LINGO2: variants seen among roughly 807,000 people sequenced by gnomAD.
The protein encoded by LINGO2 is leucine-rich repeat and immunoglobulin-like domain-containing nogo receptor-interacting protein 2.
In LINGO2, 14 loss-of-function variants were observed where a neutral mutation model predicts 30.6. That is an observed-to-expected ratio of 0.46 (90% CI 0.30 to 0.72). The LOEUF (loss-of-function observed/expected upper bound fraction) is 0.72, where lower values mean the gene tolerates loss of function less well. LINGO2 is among the 30% of genes least tolerant of loss of function. The probability of loss-of-function intolerance (pLI) is 0.07; values close to 1 mark genes in which losing one functional copy is unlikely to be tolerated. For missense variants in LINGO2, 729 were observed against 751.7 expected (o/e 0.97, Z 0.35); for synonymous variants, 317 against 288.5 (o/e 1.10, Z -1.00).
chr9:28,690,367 T>A, the LINGO2 span, among the ~76,000 whole-genome samples: 1 of 152,112 alleles, frequency 6.6e-6, no homozygotes, highest in African/African-American at 2.4e-5. Flanking sequence ...ATAAAAATTG[T>A]GAGATAAAAA....
the LINGO2 span, among the ~76,000 whole-genome samples, chr9:28,724,836 A>G: frequency 2.6e-5 from 4 of 152,142 alleles, no homozygotes; most frequent in Admixed American, 6.6e-5. Flanking sequence ...TAACCTTTGA[A>G]GAGTCACAAA....
At chr9:28,152,365 C>G (rs932355646) in intron 4 of LINGO2, among the ~76,000 whole-genome samples, 4 of 152,110 alleles carry the variant, frequency 2.6e-5, no homozygotes, top group Non-Finnish European at 5.9e-5. Flanking sequence ...GGCTCCTCTT[C>G]CGTTTCTGCC....
intron 4 of LINGO2, among the ~76,000 whole-genome samples, chr9:28,110,846 G>C (rs1002562639): frequency 6.6e-6 from 1 of 152,134 alleles, no homozygotes; most frequent in Admixed American, 6.5e-5. Context: ...CAAGGATCTA[G>C]AAGCAGAAAT....
At chr9:29,157,550 T>G in the LINGO2 span, among the ~76,000 whole-genome samples, 2 of 152,166 alleles carry the variant, frequency 1.3e-5, no homozygotes, top group Non-Finnish European at 2.9e-5. Flanking sequence ...TAGGCCTAGA[T>G]GTAGTAAGAC....
intron 1 of LINGO2, among the ~76,000 whole-genome samples, chr9:28,602,039 AG>A: frequency 6.6e-6 from 1 of 152,218 alleles, no homozygotes; most frequent in African/African-American, 2.4e-5. Context: ...AATTTATCAA[AG>A]AAGTGCTCCC....
chr9:28,326,666 T>C (rs1825240844), intron 3 of LINGO2, among the ~76,000 whole-genome samples: 1 of 152,218 alleles, frequency 6.6e-6, no homozygotes. Context: ...AGCACAGTGC[T>C]CTAAGACATG....
chr9:28,098,777 G>T (rs1826324409), intron 4 of LINGO2, among the ~76,000 whole-genome samples: 1 of 152,154 alleles, frequency 6.6e-6, no homozygotes, highest in South Asian at 2.1e-4. Flanking sequence ...CACAGAATAT[G>T]TCAAGTGGAG....
intron 1 of LINGO2, among the ~76,000 whole-genome samples, chr9:28,601,942 C>A (rs1230042417): frequency 6.6e-6 from 1 of 151,974 alleles, no homozygotes; most frequent in Admixed American, 6.6e-5. Context: ...AAATAAGTAA[C>A]AAAACTCAGG....
At chr9:28,037,381 C>T (rs1406758969) in intron 4 of LINGO2, among the ~76,000 whole-genome samples, 2 of 152,134 alleles carry the variant, frequency 1.3e-5, no homozygotes, top group Non-Finnish European at 2.9e-5. Context: ...GAACTTTTCA[C>T]ACTATTTACC....
Position 28,659,207 on chromosome 9 carries a change from AAT to A in LINGO2, c.-365+10991_-365+10992del, listed in dbSNP as rs1265679983. 3.9e-5 allele frequency among the ~76,000 whole-genome samples: 6 copies of A among 152,096 alleles called. No individual in the cohort carries two copies. The South Asian group carries it at 6.2e-4, about 16-fold the overall frequency. On this transcript the variant is annotated intron_variant, in intron 1 of 5. Transcript: ENST00000379992. ...CAGAAGAAAAGAAGACTGAAAAATG[AAT>A]AGAGGTAATATACAGATAGACACTC...
intron 2 of LINGO2, among the ~76,000 whole-genome samples, chr9:28,461,588 T>G (rs1050436612): frequency 6.6e-6 from 1 of 152,172 alleles, no homozygotes; most frequent in Non-Finnish European, 1.5e-5. Context: ...TGAGAATTGA[T>G]GTCCTGAAAG....
At chr9:28,501,385 A>G (rs1362168536) in intron 1 of LINGO2, among the ~76,000 whole-genome samples, 1 of 152,218 alleles carries the variant, frequency 6.6e-6, no homozygotes, top group Non-Finnish European at 1.5e-5. Flanking sequence ...TGCCACTATC[A>G]CATTGTAAAT....
At chr9:29,177,306 T>G in the LINGO2 span, among the ~76,000 whole-genome samples, 1 of 152,204 alleles carries the variant, frequency 6.6e-6, no homozygotes, top group Non-Finnish European at 1.5e-5. Flanking sequence ...AATCTTTCAC[T>G]GGAATTTATA....
rs370089986 is a variant in LINGO2 at position 28,338,623 on chromosome 9, T to C, written c.-246+34213A>G. On this transcript the variant is annotated intron_variant, in intron 3 of 5. Coordinates refer to ENST00000379992, the Ensembl canonical transcript of LINGO2. ...GTGGGAGGGACCAGTGGAAGGTAAG[T>C]TAGTCATGGGGGCATTACCCTCATG... 2.6e-5 allele frequency among the ~76,000 whole-genome samples: 4 copies of C among 152,254 alleles called. No individual in the cohort carries two copies. In the South Asian group the frequency reaches 8.3e-4, roughly 32 times the overall value.
intron 4 of LINGO2, among the ~76,000 whole-genome samples, chr9:28,128,093 G>T (rs181648051): frequency 1.4e-4 from 22 of 152,296 alleles, no homozygotes; most frequent in Admixed American, 6.5e-4. Context: ...TAAAAGTCAG[G>T]CTTGCTTAAT....
At chr9:28,522,621 T>A (rs1820867531) in intron 1 of LINGO2, among the ~76,000 whole-genome samples, 1 of 152,084 alleles carries the variant, frequency 6.6e-6, no homozygotes, top group Non-Finnish European at 1.5e-5. Flanking sequence ...ATATATGCAA[T>A]CAAAATAAAT....
At chr9:28,657,801 G>C (rs1185842771) in intron 1 of LINGO2, among the ~76,000 whole-genome samples, 1 of 151,818 alleles carries the variant, frequency 6.6e-6, no homozygotes, top group Non-Finnish European at 1.5e-5. Flanking sequence ...TTTGGGTTTT[G>C]TTTGTTCTTC....
intron 4 of LINGO2, among the ~76,000 whole-genome samples, chr9:28,118,288 G>A (rs1173701285): frequency 2.6e-5 from 4 of 152,130 alleles, no homozygotes; most frequent in Non-Finnish European, 5.9e-5. Flanking sequence ...TGAGTATGGA[G>A]AACTGAGAGG....
chr9:28,480,723 G>C (rs1396686570), intron 1 of LINGO2, among the ~76,000 whole-genome samples: 2 of 151,824 alleles, frequency 1.3e-5, no homozygotes, highest in African/African-American at 4.8e-5. Context: ...ATGCTTTCAG[G>C]CTTTCTATCC....
Sources: allele counts gnomAD v4.1 joint callset (sites outside exome capture counted in the v4.1 genomes callset), GRCh38; gene constraint gnomAD v4.1.1; transcripts MANE v1.5; gene names NCBI Gene and HGNC (gene_info 2026-07-23, HGNC 2026-07-21).